The following PIK3C2G variants were observed in gnomAD, a reference collection of about 807,000 sequenced individuals.
The protein encoded by PIK3C2G is phosphatidylinositol-4-phosphate 3-kinase catalytic subunit type 2 gamma.
PIK3C2G carries 168 observed loss-of-function variants against 181.1 expected under a neutral mutation model. The ratio of observed to expected loss-of-function variants is 0.93; its 90% confidence interval spans 0.82 to 1.05. The LOEUF is 1.05. Among genes scored for constraint, PIK3C2G ranks in the 50% least tolerant of loss-of-function variants. The pLI is 0.00. For missense variants in PIK3C2G, 1,869 were observed against 1,732.8 expected, an observed-to-expected ratio of 1.08 and a Z score of -1.40; for synonymous variants, 573 against 592.2, an observed-to-expected ratio of 0.97 and a Z score of 0.47.
intron 26 of PIK3C2G, among the ~76,000 whole-genome samples, chr12:18,557,893 G>A (rs1945093920): frequency 6.6e-6 from 1 of 152,130 alleles, no homozygotes; most frequent in Non-Finnish European, 1.5e-5. Context: ...TTCGTGAACT[G>A]AATGTCTTAA....
Position 18,290,996 on chromosome 12 carries a change from T to C in PIK3C2G, c.903T>C (p.Leu301=), listed in dbSNP as rs765834071. ...HIFIDNSTQP[L]HFMPCANYLV... ...TTATTGATAACTCAACACAACCTCT[T>C]CATTTTATGCCATGTGGTAAGCAAC... The change falls in exon 4 of 33, where the codon CTT becomes CTC. Residue 301 remains leucine (L), a synonymous_variant. Coordinates refer to ENST00000538779, the MANE Select transcript of PIK3C2G (RefSeq NM_001288772.2). 4 of 1,601,594 alleles carry C rather than the reference T, an allele frequency of 2.5e-6. No individual in the cohort carries two copies. In the East Asian group the frequency reaches 6.7e-5, roughly 27 times the overall value.
the PIK3C2G span, among the ~76,000 whole-genome samples, chr12:18,705,664 G>A: frequency 2.0e-5 from 3 of 151,416 alleles, no homozygotes; most frequent in East Asian, 2.0e-4. Context: ...TCAGGAGTTC[G>A]AGGCCAGCTT....
At chr12:18,612,635 AAAATCCATCT>A (rs1161118264) in intron 31 of PIK3C2G, among the ~76,000 whole-genome samples, 1 of 152,138 alleles carries the variant, frequency 6.6e-6, no homozygotes, top group Admixed American at 6.5e-5. Context: ...AAATGACATA[AAAATCCATCT>A]ATAAATTCTC....
At chr12:18,518,009 A>C (rs1014079696) in intron 24 of PIK3C2G, among the ~76,000 whole-genome samples, 1 of 151,890 alleles carries the variant, frequency 6.6e-6, no homozygotes, top group African/African-American at 2.4e-5. Context: ...TTTGTCATTG[A>C]TTCTGTTTAT....
At chr12:18,664,424 A>G in the PIK3C2G span, among the ~76,000 whole-genome samples, 512 of 152,348 alleles carry the variant, frequency 3.4e-3, no homozygotes, top group African/African-American at 0.012. Context: ...ATACTGTGGA[A>G]TATTGTTCAG....
the PIK3C2G span, among the ~76,000 whole-genome samples, chr12:18,710,813 G>A: frequency 6.6e-6 from 1 of 152,172 alleles, no homozygotes; most frequent in Non-Finnish European, 1.5e-5. Context: ...TCAGAGAAAT[G>A]CAAATCAAAA....
the PIK3C2G span, among the ~76,000 whole-genome samples, chr12:18,668,577 A>G: frequency 6.6e-6 from 1 of 152,126 alleles, no homozygotes; most frequent in Non-Finnish European, 1.5e-5. Context: ...ATGCTGGACC[A>G]TCATCTTCTG....
chr12:18,262,214 G>T (rs2137000619), intron 1 of PIK3C2G, among the ~76,000 whole-genome samples: 1 of 152,158 alleles, frequency 6.6e-6, no homozygotes, highest in Admixed American at 6.6e-5. Context: ...TGTCCCAGTT[G>T]CCCCCTTATG....
intron 1 of PIK3C2G, among the ~76,000 whole-genome samples, chr12:18,281,265 AG>A (rs1377047723): frequency 1.8e-5 from 2 of 111,570 alleles, no homozygotes; most frequent in Admixed American, 9.5e-5. Context: ...AATGCATAAT[AG>A]GCAAAAAAAA....
chr12:18,637,665 A>C (rs1387967782), intron 31 of PIK3C2G, among the ~76,000 whole-genome samples: 1 of 152,210 alleles, frequency 6.6e-6, no homozygotes, highest in African/African-American at 2.4e-5. Flanking sequence ...TGCAGGTCCT[A>C]CTGTGAGGCT....
intron 5 of PIK3C2G, among the ~76,000 whole-genome samples, chr12:18,302,125 G>T (rs926478046): frequency 1.9e-4 from 29 of 152,290 alleles, no homozygotes; most frequent in African/African-American, 7.0e-4. Context: ...CTGTCTTTGG[G>T]CTCCTGGGTA....
chr12:18,254,365 C>T (rs924934566), intron 1 of PIK3C2G, among the ~76,000 whole-genome samples: 2 of 151,902 alleles, frequency 1.3e-5, no homozygotes, highest in Admixed American at 6.6e-5. Context: ...GTAGGAATCT[C>T]GAAGATGTGA....
intron 3 of PIK3C2G, among the ~76,000 whole-genome samples, chr12:18,290,135 G>A (rs1949626855): frequency 6.6e-6 from 1 of 152,018 alleles, no homozygotes; most frequent in African/African-American, 2.4e-5. Context: ...GTAAACCTTT[G>A]AGGTAGCTAT....
At position 18,563,423 on chromosome 12, in the gene PIK3C2G, C is replaced by G; in HGVS notation, c.3827C>G (p.Thr1276Arg). 6.2e-7 allele frequency: 1 copy of G among 1,613,472 alleles called. No homozygotes were observed. The highest frequency in any genetic ancestry group is 8.5e-7 in the Non-Finnish European group (1 of 1,179,550). Residue 1276 changes from threonine to arginine, a missense_variant, in exon 28 of 33, where the codon ACA becomes AGA. Coordinates refer to ENST00000538779, the MANE Select transcript of PIK3C2G (RefSeq NM_001288772.2). ...VTHSNNETSL[T>R]EKSFEQFSKL... ...CACAGCAACAACGAAACAAGCCTGA[C>G]AGAAAAATCATTTGAGCAGTTTTCA...
intron 26 of PIK3C2G, 52 bp downstream of exon 26, chr12:18,546,484 C>T: frequency 1.1e-6 from 1 of 948,758 alleles, no homozygotes. Context: ...TACGCAGACA[C>T]ATGTTCCACA....
At chr12:18,380,190 C>T (rs766337634) in intron 13 of PIK3C2G, among the ~76,000 whole-genome samples, 4 of 152,136 alleles carry the variant, frequency 2.6e-5, no homozygotes, top group African/African-American at 9.7e-5. Context: ...CGCCTATGTC[C>T]GCCGTGCTTA....
At chr12:18,613,134 G>A (rs1479016521) in intron 31 of PIK3C2G, among the ~76,000 whole-genome samples, 1 of 152,038 alleles carries the variant, frequency 6.6e-6, no homozygotes, top group Non-Finnish European at 1.5e-5. Flanking sequence ...CTCTTTCATT[G>A]ATGTCTACAA....
intron 24 of PIK3C2G, among the ~76,000 whole-genome samples, chr12:18,537,641 C>T (rs1943930296): frequency 6.6e-6 from 1 of 151,974 alleles, no homozygotes; most frequent in South Asian, 2.1e-4. Context: ...TAAAATATAG[C>T]TACCTTTTTT....
chr12:18,478,691 T>A (rs1031739003), intron 18 of PIK3C2G, among the ~76,000 whole-genome samples: 2 of 152,122 alleles, frequency 1.3e-5, no homozygotes, highest in East Asian at 3.9e-4. Context: ...CAAAGTTATA[T>A]TTAAGGCTGG....
Sources: allele counts gnomAD v4.1 joint callset (sites outside exome capture counted in the v4.1 genomes callset), GRCh38; gene constraint gnomAD v4.1.1; transcripts MANE v1.5; gene names NCBI Gene and HGNC (gene_info 2026-07-23, HGNC 2026-07-21).